The following MAGI2 variants were observed in gnomAD, a reference collection of about 807,000 sequenced individuals.
MAGI2 encodes the protein membrane associated guanylate kinase, WW and PDZ domain containing 2.
In MAGI2, 35 loss-of-function variants were observed where a neutral mutation model predicts 133.3. The observed-to-expected ratio is 0.26, with a 90% CI of 0.20 to 0.35. MAGI2 has a LOEUF of 0.35. MAGI2 is among the 10% of genes least tolerant of loss of function. MAGI2 has a pLI of 1.00. For synonymous variants in MAGI2, 729 were observed against 710.6 expected, an observed-to-expected ratio of 1.03 and a Z score of -0.41; for missense variants, 1,636 against 1,863.4, an observed-to-expected ratio of 0.88 and a Z score of 2.25.
chr7:78,212,320 C>T (rs1427191405), intron 10 of MAGI2, among the ~76,000 whole-genome samples: 3 of 152,146 alleles, frequency 2.0e-5, no homozygotes, highest in Non-Finnish European at 4.4e-5. Flanking sequence ...GGCTAAAGGC[C>T]TTCAGATGCA....
intron 6 of MAGI2, among the ~76,000 whole-genome samples, chr7:78,451,535 C>T (rs1351412159): frequency 6.6e-6 from 1 of 152,000 alleles, no homozygotes; most frequent in Non-Finnish European, 1.5e-5. Flanking sequence ...GAGGCTGGTG[C>T]CTGCCTCTTT....
chr7:78,932,612 C>T (rs1259125168), intron 2 of MAGI2, among the ~76,000 whole-genome samples: 1 of 151,850 alleles, frequency 6.6e-6, no homozygotes, highest in Non-Finnish European at 1.5e-5. Context: ...TAATGGCATG[C>T]AGATCATGAA....
At chr7:78,719,875 T>C (rs112301914) in intron 2 of MAGI2, among the ~76,000 whole-genome samples, 3 of 152,178 alleles carry the variant, frequency 2.0e-5, no homozygotes, top group South Asian at 4.1e-4. Context: ...AAAGTTTAAA[T>C]AGAGGTGATA....
chr7:78,238,965 A>C (rs1180653393), intron 10 of MAGI2, among the ~76,000 whole-genome samples: 1 of 152,134 alleles, frequency 6.6e-6, no homozygotes, highest in Admixed American at 6.5e-5. Context: ...AGCTTTAGCC[A>C]ACTTAGCTCC....
chr7:79,181,676 T>A (rs1826636922), intron 1 of MAGI2, among the ~76,000 whole-genome samples: 1 of 152,032 alleles, frequency 6.6e-6, no homozygotes, highest in African/African-American at 2.4e-5. Flanking sequence ...GTAGCCAGCT[T>A]GAATTTCTCT....
At chr7:78,079,666 C>T (rs1330118135) in intron 20 of MAGI2, among the ~76,000 whole-genome samples, 1 of 152,064 alleles carries the variant, frequency 6.6e-6, no homozygotes, top group East Asian at 1.9e-4. Context: ...TATCACAGCC[C>T]CTTGAATTAA....
intron 1 of MAGI2, among the ~76,000 whole-genome samples, chr7:79,083,980 T>C (rs1816272081): frequency 6.6e-6 from 1 of 151,734 alleles, no homozygotes; most frequent in African/African-American, 2.4e-5. Context: ...TTATAATCTT[T>C]TTATATCTTT....
intron 1 of MAGI2, among the ~76,000 whole-genome samples, chr7:79,385,043 C>A (rs1844075701): frequency 6.6e-6 from 1 of 151,574 alleles, no homozygotes; most frequent in Admixed American, 6.6e-5. Flanking sequence ...GGGGTTTCAA[C>A]CAAACCAACA....
intron 9 of MAGI2, among the ~76,000 whole-genome samples, chr7:78,338,281 C>T (rs930706103): frequency 3.9e-5 from 6 of 152,182 alleles, no homozygotes; most frequent in African/African-American, 1.4e-4. Context: ...AGGCATTTCT[C>T]ACTACTGTGC....
At chr7:78,407,555 G>A (rs1029395740) in intron 6 of MAGI2, among the ~76,000 whole-genome samples, 1 of 151,956 alleles carries the variant, frequency 6.6e-6, no homozygotes, top group Admixed American at 6.6e-5. Flanking sequence ...ATCTTCAAAA[G>A]CTTTCCAGTG....
At chr7:78,185,726 C>A (rs1331057030) in intron 12 of MAGI2, 56 bp from the exon 13 acceptor site, 2 of 1,345,138 alleles carry the variant, frequency 1.5e-6, no homozygotes, top group South Asian at 1.3e-5. Context: ...TTTTAAAATT[C>A]ATCTTTACTT....
chr7:79,232,636 G>A (rs2129554331), intron 1 of MAGI2, among the ~76,000 whole-genome samples: 1 of 87,898 alleles, frequency 1.1e-5, no homozygotes, highest in Admixed American at 1.4e-4. Flanking sequence ...GATCGGTGGT[G>A]ATATCCCCTT....
At chr7:78,323,622 G>C (rs1788236281) in intron 9 of MAGI2, among the ~76,000 whole-genome samples, 2 of 152,046 alleles carry the variant, frequency 1.3e-5, no homozygotes, top group African/African-American at 4.8e-5. Flanking sequence ...AATTTTTATG[G>C]TCATAGTTTT....
At chr7:78,160,518 T>C (rs922379583) in intron 15 of MAGI2, among the ~76,000 whole-genome samples, 16 of 152,226 alleles carry the variant, frequency 1.1e-4, no homozygotes, top group Admixed American at 8.5e-4. Flanking sequence ...TCCTCTGTGC[T>C]GTTACTGATT....
At position 78,172,325 on chromosome 7, in the gene MAGI2, G is replaced by A. The variant is rs532573249; in HGVS notation, c.2404-4217C>T. Among the ~76,000 whole-genome samples the A allele has an allele frequency of 2.0e-5, 3 of 152,280 alleles. No homozygotes were observed. In the South Asian group the frequency reaches 6.2e-4, roughly 32 times the overall value. On this transcript the variant is annotated intron_variant, in intron 14 of 21. Coordinates refer to ENST00000354212, the MANE Select transcript of MAGI2 (RefSeq NM_012301.4). ...GCCTGGGACAACTTGCCACTATGGC[G>A]AGCAGATTTCAGGCTCTTTCCTTCT...
At chr7:79,404,601 A>T (rs1845683011) in intron 1 of MAGI2, among the ~76,000 whole-genome samples, 1 of 152,072 alleles carries the variant, frequency 6.6e-6, no homozygotes, top group Non-Finnish European at 1.5e-5. Flanking sequence ...TCCCAAGAGC[A>T]ATCTCTCATT....
chr7:78,019,489 G>C lies in MAGI2; in HGVS notation c.4194C>G (p.Gly1398=). 2.0e-6 allele frequency: 2 copies of C among 980,092 alleles called. No individual in the cohort carries two copies. The highest frequency in any genetic ancestry group is 2.4e-6 in the Non-Finnish European group (2 of 828,076). 60.7% of individuals were successfully genotyped at this position (980,092 alleles called of 1,614,324 possible). A position where few individuals can be genotyped will look rare whatever the true frequency, so the allele number is the denominator to read the frequency against. The change falls in exon 22 of 22, where the codon GGC becomes GGG. Residue 1398 remains glycine, a synonymous_variant. Coordinates refer to ENST00000354212, the MANE Select transcript of MAGI2 (RefSeq NM_012301.4). ...AFAGPGGGGS[G]ALEAEGRAGA... is the part of the protein sequence containing the mutation. ...CCGCCCTGCCCTCGGCCTCCAGCGC[G>C]CCGCTGCCGCCGCCGCCCGGGCCGG...
rs182989625 is a variant in MAGI2 at position 79,322,982 on chromosome 7, G to A, written c.301+130038C>T. On this transcript the variant is annotated intron_variant, in intron 1 of 21. Coordinates refer to ENST00000354212, the MANE Select transcript of MAGI2 (RefSeq NM_012301.4). ...GCTTCCCAAGTAGCTGGGACTGCAC[G>A]CATGCACCATTACTCCTCAGCTTAT... 1.4e-3 allele frequency among the ~76,000 whole-genome samples: 213 copies of A among 152,058 alleles called. 1 individual carries two copies. The highest frequency in any genetic ancestry group is 4.7e-3 in the African/African-American group (196 of 41,490).
chr7:79,184,396 C>T (rs1585143203), intron 1 of MAGI2, among the ~76,000 whole-genome samples: 1 of 150,426 alleles, frequency 6.6e-6, no homozygotes, highest in East Asian at 2.0e-4. Context: ...ACACCTGTTT[C>T]CCAAAAACGT....
Sources: allele counts gnomAD v4.1 joint callset (sites outside exome capture counted in the v4.1 genomes callset), GRCh38; gene constraint gnomAD v4.1.1; transcripts MANE v1.5; gene names NCBI Gene and HGNC (gene_info 2026-07-23, HGNC 2026-07-21).